MGAT4C: variants seen among roughly 807,000 people sequenced by gnomAD.
MGAT4C encodes alpha-1,3-mannosyl-glycoprotein 4-beta-N-acetylglucosaminyltransferase C.
MGAT4C carries 19 observed loss-of-function variants against 40.1 expected under a neutral mutation model. The observed-to-expected ratio is 0.47, with a 90% CI of 0.33 to 0.70. MGAT4C has a LOEUF of 0.70. Ranked by LOEUF, MGAT4C falls within the 30% of genes least tolerant of loss-of-function variation. The pLI is 0.02. For missense variants in MGAT4C, 491 were observed against 563.2 expected, an observed-to-expected ratio of 0.87 and a Z score of 1.30; for synonymous variants, 181 against 187.1, an observed-to-expected ratio of 0.97 and a Z score of 0.27.
chr12:86,755,791 C>T (rs1156557278), intron 1 of MGAT4C, among the ~76,000 whole-genome samples: 2 of 151,694 alleles, frequency 1.3e-5, no homozygotes, highest in African/African-American at 4.8e-5. Flanking sequence ...GGACTAAGTG[C>T]ATGTGCCACC....
chr12:86,552,026 C>CAAAAAAAAAAAA (rs201076856), intron 2 of MGAT4C, among the ~76,000 whole-genome samples: 12 of 60,586 alleles, frequency 2.0e-4, no homozygotes, highest in Admixed American at 3.4e-4. Context: ...TTAAAAAAAG[C>CAAAAAAAAAAAA]AAAAAAAAAA....
At chr12:86,482,056 A>G (rs978745293) in intron 2 of MGAT4C, among the ~76,000 whole-genome samples, 5 of 131,882 alleles carry the variant, frequency 3.8e-5, no homozygotes, top group African/African-American at 1.5e-4. Context: ...TGTATTTTCT[A>G]AACATGTCAC....
chr12:86,596,014 C>T (rs1295390268), intron 2 of MGAT4C, among the ~76,000 whole-genome samples: 2 of 152,124 alleles, frequency 1.3e-5, no homozygotes, highest in Non-Finnish European at 2.9e-5. Context: ...TTAACTAATC[C>T]TTGTACTATT....
At chr12:86,172,002 C>T (rs1373340470) in intron 1 of MGAT4C, among the ~76,000 whole-genome samples, 1 of 152,176 alleles carries the variant, frequency 6.6e-6, no homozygotes, top group African/African-American at 2.4e-5. Flanking sequence ...CTCTTCAGCT[C>T]TCTGCCTGTG....
At chr12:86,668,751 G>A (rs1964176312) in intron 2 of MGAT4C, among the ~76,000 whole-genome samples, 1 of 152,190 alleles carries the variant, frequency 6.6e-6, no homozygotes, top group Non-Finnish European at 1.5e-5. Context: ...GCCTGGAGCA[G>A]GAGAAGAGCT....
intron 1 of MGAT4C, among the ~76,000 whole-genome samples, chr12:86,804,810 A>G (rs1952316731): frequency 6.6e-6 from 1 of 152,052 alleles, no homozygotes; most frequent in Non-Finnish European, 1.5e-5. Context: ...ATTTTTAAAG[A>G]AAAATTTTGA....
chr12:86,076,026 C>T (rs924706359), intron 1 of MGAT4C, among the ~76,000 whole-genome samples: 2 of 152,202 alleles, frequency 1.3e-5, no homozygotes, highest in African/African-American at 4.8e-5. Context: ...ACCATATAGT[C>T]AGGCCACAAA....
intron 2 of MGAT4C, among the ~76,000 whole-genome samples, chr12:86,573,658 T>C (rs1401681943): frequency 6.6e-6 from 1 of 152,026 alleles, no homozygotes; most frequent in Non-Finnish European, 1.5e-5. Context: ...AAAGAGCTCC[T>C]TGGCAATTAG....
intron 2 of MGAT4C, chr12:86,495,180 CTT>C (rs1257541917): frequency 6.6e-6 from 1 of 151,976 alleles, no homozygotes. Flanking sequence ...GAAATATTCT[CTT>C]GAGAGGATAA....
rs373624016 is a variant in MGAT4C, at chr12:86,568,775, G to A, written c.-228-133510C>T. 1.2e-4 allele frequency among the ~76,000 whole-genome samples: 18 copies of A among 151,866 alleles called. No individual in the cohort carries two copies. The East Asian group carries it at 1.4e-3, about 11-fold the overall frequency. ...ATAGAGAACTTGGAAATAAATTTAC[G>A]TATATACAGACAACTGATTTTTAAC... On this transcript the variant is annotated intron_variant, in intron 2 of 7. Transcript: ENST00000548651.
chr12:85,987,389 G>A (rs954561918), intron 3 of MGAT4C, among the ~76,000 whole-genome samples: 20 of 151,580 alleles, frequency 1.3e-4, no homozygotes, highest in South Asian at 2.1e-4. Context: ...CGCCCGCCTC[G>A]GCCTCCCAAA....
intron 1 of MGAT4C, among the ~76,000 whole-genome samples, chr12:86,142,372 T>A (rs1305343871): frequency 6.6e-6 from 1 of 152,154 alleles, no homozygotes; most frequent in Non-Finnish European, 1.5e-5. Context: ...GAGGTCAGTG[T>A]ACCCATGTTT....
intron 2 of MGAT4C, among the ~76,000 whole-genome samples, chr12:86,001,086 C>T (rs963874675): frequency 6.6e-6 from 1 of 152,082 alleles, no homozygotes; most frequent in Non-Finnish European, 1.5e-5. Flanking sequence ...GCCAGAATTC[C>T]CCATCCTCCA....
intron 1 of MGAT4C, among the ~76,000 whole-genome samples, chr12:86,774,355 CCT>C (rs954748418): frequency 0.038 from 779 of 20,408 alleles, 163 homozygotes; most frequent in Non-Finnish European, 0.11. Flanking sequence ...CTCTCTCTCC[CCT>C]CTCTCTCTCT....
At chr12:86,600,898 C>A (rs1381688119) in intron 2 of MGAT4C, among the ~76,000 whole-genome samples, 2 of 152,232 alleles carry the variant, frequency 1.3e-5, no homozygotes, top group Non-Finnish European at 2.9e-5. Flanking sequence ...CACTCCCTGG[C>A]CCCTCCCTGC....
At chr12:86,758,151 A>G (rs1951338028) in intron 1 of MGAT4C, among the ~76,000 whole-genome samples, 1 of 152,160 alleles carries the variant, frequency 6.6e-6, no homozygotes, top group Admixed American at 6.6e-5. Context: ...CTGAAACTCA[A>G]CAAACTGCAT....
intron 4 of MGAT4C, among the ~76,000 whole-genome samples, chr12:86,283,391 T>C (rs1037582016): frequency 6.6e-6 from 1 of 151,970 alleles, no homozygotes; most frequent in Admixed American, 6.6e-5. Flanking sequence ...TTATGTTATA[T>C]CAAGTTATAT....
chr12:86,333,864 C>T (rs1954727411), intron 4 of MGAT4C, among the ~76,000 whole-genome samples: 1 of 152,240 alleles, frequency 6.6e-6, no homozygotes, highest in South Asian at 2.1e-4. Context: ...TTATCTTCTT[C>T]AGAGTTAAGT....
chr12:86,361,463 A>G (rs1955466925), intron 3 of MGAT4C, among the ~76,000 whole-genome samples: 1 of 152,236 alleles, frequency 6.6e-6, no homozygotes, highest in Middle Eastern at 3.2e-3. Flanking sequence ...AAGCAATGGC[A>G]ACAAAAGCCA....
Sources: gnomAD v4.1 joint callset for allele counts (sites outside exome capture counted in the v4.1 genomes callset) on GRCh38, gnomAD v4.1.1 for gene constraint, MANE v1.5 for transcripts, NCBI Gene and HGNC (gene_info 2026-07-23, HGNC 2026-07-21) for gene names.